Variants in USH2A observed in about 807,000 individuals in gnomAD.
USH2A encodes Usher syndrome 2A (autosomal recessive, mild).
In USH2A, 443 loss-of-function variants were observed where a neutral mutation model predicts 538.9. The observed-to-expected ratio is 0.82, with a 90% CI of 0.76 to 0.89. The LOEUF (loss-of-function observed/expected upper bound fraction) is 0.89. Among genes scored for constraint, USH2A ranks in the 40% least tolerant of loss-of-function variants. The probability of loss-of-function intolerance (pLI) is 0.00; values close to 1 mark genes in which losing one functional copy is unlikely to be tolerated. For missense variants in USH2A, 6,633 were observed against 6,324.8 expected, an observed-to-expected ratio of 1.05 and a Z score of -1.65; for synonymous variants, 2,413 against 2,273.5, an observed-to-expected ratio of 1.06 and a Z score of -1.75.
At chr1:215,904,368 T>C (rs1213525245) in intron 38 of USH2A, among the ~76,000 whole-genome samples, 2 of 152,084 alleles carry the variant, frequency 1.3e-5, no homozygotes, top group East Asian at 1.9e-4. Flanking sequence ...CTCCACTAAA[T>C]TGGTACACTT....
At chr1:216,170,688 C>T (rs1209108967) in intron 21 of USH2A, among the ~76,000 whole-genome samples, 1 of 152,044 alleles carries the variant, frequency 6.6e-6, no homozygotes, top group Non-Finnish European at 1.5e-5. Context: ...AAGAGGGTCA[C>T]CTTTGGAATG....
chr1:215,789,992 G>A, intron 51 of USH2A, 67 bp downstream of exon 51: 1 of 1,474,268 alleles, frequency 6.8e-7, no homozygotes, highest in Non-Finnish European at 9.4e-7. Flanking sequence ...TAGAAAAATA[G>A]TTATGAACAA....
chr1:215,767,468 GC>G (rs1661165896), intron 55 of USH2A, among the ~76,000 whole-genome samples: 1 of 152,112 alleles, frequency 6.6e-6, no homozygotes. Flanking sequence ...TATCTAATGC[GC>G]CCTTTTTTGA....
In USH2A at chr1:216,289,165, G is replaced by A; in HGVS notation, c.1971+115C>T. On this transcript the variant is annotated intron_variant, in intron 11 of 71. Transcript: ENST00000307340. ...ACAACCATCTCTTTGAAATGCAAAT[G>A]CACATAGAGGATTTCCTGGCAAATG... The A allele has an allele frequency of 2.7e-6, 4 of 1,467,302 alleles. No homozygotes were observed. The East Asian group carries it at 7.0e-5, about 26-fold the overall frequency. The allele number at this position is 1,467,302 out of a possible 1,614,324, so 90.9% of individuals were successfully genotyped here.
intron 21 of USH2A, among the ~76,000 whole-genome samples, chr1:216,141,998 A>C (rs911318850): frequency 2.0e-5 from 3 of 151,486 alleles, no homozygotes; most frequent in African/African-American, 7.3e-5. Context: ...CTGGAAAGGG[A>C]TTATCAAAAT....
intron 11 of USH2A, among the ~76,000 whole-genome samples, chr1:216,280,870 C>T (rs1309868330): frequency 1.3e-5 from 2 of 152,166 alleles, no homozygotes; most frequent in East Asian, 1.9e-4. Context: ...GTTATTATAA[C>T]AAAATGAGAC....
intron 9 of USH2A, among the ~76,000 whole-genome samples, chr1:216,294,597 A>G (rs2037068579): frequency 6.6e-6 from 1 of 151,666 alleles, no homozygotes; most frequent in African/African-American, 2.4e-5. Flanking sequence ...TAAGAAAATT[A>G]TGAGATGAAA....
At position 215,993,058 on chromosome 1, in the gene USH2A, G is replaced by C; in HGVS notation, c.6767C>G (p.Ser2256Cys). 6.2e-7 allele frequency: 1 copy of C among 1,614,106 alleles called. No homozygotes were observed. The highest frequency in any genetic ancestry group is 8.5e-7 in the Non-Finnish European group (1 of 1,179,976). The change falls in exon 35 of 72, where the codon TCC (serine) becomes TGC (cysteine). Residue 2256 changes from serine to cysteine, a missense_variant. Ser to Cys is a moderately radical substitution (Grantham distance 112). Coordinates refer to ENST00000307340, the MANE Select transcript of USH2A (RefSeq NM_206933.4). ...AGGCTCAGTCCAGGAGACATTAAAG[G>C]AGTCAGGTGAATATGAGTGGGCTTT... is the stretch of plus-strand genomic sequence containing the variant. ...APKAHSYSPDSFNVSWTEPEY... is the reference protein window; with the variant it reads ...APKAHSYSPDCFNVSWTEPEY...
intron 21 of USH2A, among the ~76,000 whole-genome samples, chr1:216,133,710 G>C (rs771924430): frequency 6.6e-6 from 1 of 152,024 alleles, no homozygotes; most frequent in Non-Finnish European, 1.5e-5. Context: ...TTAGCACCTA[G>C]GTCTATTTTT....
chr1:216,019,957 G>T (rs1402218399), intron 32 of USH2A, among the ~76,000 whole-genome samples: 1 of 152,142 alleles, frequency 6.6e-6, no homozygotes, highest in Non-Finnish European at 1.5e-5. Flanking sequence ...AGTGTTTGAT[G>T]TTGCAAGTGT....
chr1:216,286,994 A>G (rs1425825034), intron 11 of USH2A, among the ~76,000 whole-genome samples: 1 of 152,212 alleles, frequency 6.6e-6, no homozygotes, highest in Non-Finnish European at 1.5e-5. Context: ...ATTTATAAAA[A>G]CAAAACCATA....
chr1:216,344,164 T>C (rs779584388), intron 4 of USH2A, among the ~76,000 whole-genome samples: 2 of 152,080 alleles, frequency 1.3e-5, no homozygotes, highest in Non-Finnish European at 2.9e-5. Flanking sequence ...TCTTTACTTA[T>C]GCACATTTCC....
intron 44 of USH2A, among the ~76,000 whole-genome samples, chr1:215,846,867 G>C (rs1663863980): frequency 1.3e-5 from 2 of 152,258 alleles, no homozygotes; most frequent in South Asian, 2.1e-4. Flanking sequence ...AGGATGCTTA[G>C]AAAGATATCC....
chr1:215,859,793 C>T (rs184311507), intron 44 of USH2A, among the ~76,000 whole-genome samples: 209 of 152,304 alleles, frequency 1.4e-3, no homozygotes, highest in Non-Finnish European at 2.0e-3. Flanking sequence ...TATCCTGCAA[C>T]AGCAAGTAGA....
At chr1:215,932,098 A>G (rs919246487) in intron 38 of USH2A, among the ~76,000 whole-genome samples, 3 of 152,026 alleles carry the variant, frequency 2.0e-5, no homozygotes, top group Admixed American at 6.6e-5. Context: ...ATAGCTAAGG[A>G]TATTATCATC....
intron 37 of USH2A, among the ~76,000 whole-genome samples, chr1:215,961,345 G>A (rs938441394): frequency 1.3e-5 from 2 of 151,374 alleles, no homozygotes; most frequent in African/African-American, 4.8e-5. Context: ...AAATATGCAA[G>A]ATCTATATGA....
At chr1:215,953,121 T>C (rs1666965562) in intron 37 of USH2A, among the ~76,000 whole-genome samples, 1 of 152,030 alleles carries the variant, frequency 6.6e-6, no homozygotes, top group Non-Finnish European at 1.5e-5. Flanking sequence ...ATCAATATTG[T>C]GAAAATGGCC....
chr1:216,052,950 A>G (rs923423571), intron 30 of USH2A, among the ~76,000 whole-genome samples: 2 of 152,210 alleles, frequency 1.3e-5, no homozygotes, highest in African/African-American at 4.8e-5. Flanking sequence ...TTCTACTTAG[A>G]TTAGGTACTC....
intron 19 of USH2A, among the ~76,000 whole-genome samples, chr1:216,190,757 C>T (rs888324653): frequency 6.6e-6 from 1 of 151,724 alleles, no homozygotes; most frequent in Non-Finnish European, 1.5e-5. Context: ...GCAGTAATAC[C>T]CAAGCTATTT....
Sources: gnomAD v4.1 joint callset for allele counts (sites outside exome capture counted in the v4.1 genomes callset) on GRCh38, gnomAD v4.1.1 for gene constraint, MANE v1.5 for transcripts, NCBI Gene and HGNC (gene_info 2026-07-23, HGNC 2026-07-21) for gene names.